The following DCLRE1C variants were observed in gnomAD, a reference collection of about 807,000 sequenced individuals.
The protein encoded by DCLRE1C is DNA cross-link repair 1C.
DCLRE1C carries 47 observed loss-of-function variants against 61.4 expected under a neutral mutation model. That is an observed-to-expected ratio of 0.77 (90% CI 0.61 to 0.98). The LOEUF (loss-of-function observed/expected upper bound fraction) is 0.98, where lower values mean the gene tolerates loss of function less well. Ranked by LOEUF, DCLRE1C falls within the 50% of genes least tolerant of loss-of-function variation. The pLI is 0.00. For synonymous variants in DCLRE1C, 337 were observed against 287.6 expected (o/e 1.17, Z -1.74); for missense variants, 858 against 816.0 (o/e 1.05, Z -0.63).
At chr10:14,917,180 A>C (rs1445505259) in intron 13 of DCLRE1C, among the ~76,000 whole-genome samples, 1 of 152,232 alleles carries the variant, frequency 6.6e-6, no homozygotes, top group Non-Finnish European at 1.5e-5. Flanking sequence ...GTTTAAGAAC[A>C]TTTGGATATC....
At chr10:14,933,914 C>G (rs537021645) in intron 8 of DCLRE1C, among the ~76,000 whole-genome samples, 39 of 152,228 alleles carry the variant, frequency 2.6e-4, no homozygotes, top group African/African-American at 8.9e-4. Context: ...TCAGAGGGCC[C>G]GCGAACCTCT....
chr10:14,911,832 A>C (rs1326966714), intron 13 of DCLRE1C, among the ~76,000 whole-genome samples: 1 of 152,254 alleles, frequency 6.6e-6, no homozygotes, highest in African/African-American at 2.4e-5. Flanking sequence ...ATGGCCAATA[A>C]GCACATGAAA....
intron 6 of DCLRE1C, among the ~76,000 whole-genome samples, chr10:14,935,204 T>C (rs549241625): frequency 4.0e-5 from 6 of 151,000 alleles, no homozygotes; most frequent in South Asian, 2.2e-4. Flanking sequence ...CAGTGGCTCA[T>C]GCCTGTAATC....
At chr10:14,912,858 T>G (rs1835500093) in intron 13 of DCLRE1C, among the ~76,000 whole-genome samples, 1 of 151,700 alleles carries the variant, frequency 6.6e-6, no homozygotes, top group Admixed American at 6.6e-5. Flanking sequence ...ATTTTTTGTG[T>G]TTTTAGTAGA....
Position 14,953,974 on chromosome 10 carries a change from T to C in DCLRE1C, c.37A>G (p.Thr13Ala). 1.2e-6 allele frequency: 2 copies of C among 1,614,024 alleles called. No individual in the cohort carries two copies. Among genetic ancestry groups the C allele is most frequent in the Non-Finnish European group, 1.7e-6 (2 of 1,179,914 alleles). ...CTATCGAAGCGGTCTATGGAGATAGTTGGATACTCGGCCATCTGCCCCTCG... is the reference window on the plus strand; with the variant it reads ...CTATCGAAGCGGTCTATGGAGATAGCTGGATACTCGGCCATCTGCCCCTCG... ...SFEGQMAEYPTISIDRFDREN... is the reference protein window; with the variant it reads ...SFEGQMAEYPAISIDRFDREN... The change falls in exon 1 of 14, where the codon ACT becomes GCT. Residue 13 changes from threonine (T) to alanine (A), a missense_variant. Thr to Ala is a moderately conservative substitution (Grantham distance 58). Transcript: ENST00000378278.
intron 11 of DCLRE1C, among the ~76,000 whole-genome samples, chr10:14,926,172 C>T (rs759616266): frequency 5.3e-5 from 8 of 152,214 alleles, no homozygotes; most frequent in Non-Finnish European, 1.2e-4. Context: ...CAGACTGATA[C>T]ACTTGTTGAC....
chr10:14,945,860 G>A (rs1029877251), intron 2 of DCLRE1C, among the ~76,000 whole-genome samples: 4 of 150,892 alleles, frequency 2.7e-5, no homozygotes, highest in Non-Finnish European at 4.4e-5. Context: ...GTTTGACCAC[G>A]TTGGCCAGGC....
At chr10:14,897,616 G>T in exon 14 of DCLRE1C, 3 of 1,032,118 alleles carry the variant, frequency 2.9e-6, no homozygotes, top group Non-Finnish European at 2.6e-6. Flanking sequence ...GGTACATTTT[G>T]ATATTTTCAT....
In DCLRE1C at chr10:14,909,056, A is replaced by G; in HGVS notation, c.1431T>C (p.Leu477=). The part of the protein sequence containing the change: ...ASLQGDLGSV[L]HLQKADGDVP... ...CATCCCCATCAGCCTTTTGCAGGTG[A>G]AGTACAGAGCCCAGATCTCCTTGCA... is the stretch of plus-strand genomic sequence containing the variant. Residue 477 remains leucine (L), a synonymous_variant, in exon 14 of 14, where the codon CTT becomes CTC. Transcript: ENST00000378278. The G allele has an allele frequency of 6.2e-7, 1 of 1,614,186 alleles. No homozygotes were observed. The highest frequency in any genetic ancestry group is 8.5e-7 in the Non-Finnish European group (1 of 1,180,030).
chr10:14,902,661 G>A (rs557784742), downstream of DCLRE1C: 8 of 546,922 alleles, frequency 1.5e-5, no homozygotes, highest in African/African-American at 9.6e-5. Context: ...ATGTATTACC[G>A]ATGCCTCTGA....
At chr10:14,901,262 G>A, downstream of DCLRE1C, 1 of 1,613,686 alleles carries the variant, frequency 6.2e-7, no homozygotes, top group Non-Finnish European at 8.5e-7. Context: ...TCAAATGAAA[G>A]GTATGCTTTT....
At chr10:14,938,503 A>G (rs1245001839) in intron 4 of DCLRE1C, among the ~76,000 whole-genome samples, 1 of 151,880 alleles carries the variant, frequency 6.6e-6, no homozygotes, top group Non-Finnish European at 1.5e-5. Flanking sequence ...CACACCCTCA[A>G]AGTTAAACAC....
intron 1 of DCLRE1C, 143 bp from the exon 2 acceptor site, chr10:14,949,230 GCT>G (rs1300457829): frequency 1.5e-6 from 1 of 663,018 alleles, no homozygotes; most frequent in African/African-American, 1.8e-5. Flanking sequence ...TGGGCTATGA[GCT>G]CTTTCTTCTG....
At chr10:14,911,837 A>T (rs1222161422) in intron 13 of DCLRE1C, among the ~76,000 whole-genome samples, 1 of 152,258 alleles carries the variant, frequency 6.6e-6, no homozygotes, top group Non-Finnish European at 1.5e-5. Flanking sequence ...CAATAAGCAC[A>T]TGAAAGAAAG....
Position 14,936,610 on chromosome 10 carries a change from G to GA in DCLRE1C, c.307-18dup. ...CTCTTCCTTCTAAAAAGAAAATAAA[G>GA]AAAAAATAGTAATGGAAAGCAGTTA... On this transcript the variant is annotated splice_polypyrimidine_tract_variant and intron_variant, in intron 4 of 13. Transcript: ENST00000378278. The GA allele has an allele frequency of 6.3e-7, 1 of 1,597,650 alleles. No homozygotes were observed.
At chr10:14,950,813 G>C (rs1842354877) in intron 1 of DCLRE1C, among the ~76,000 whole-genome samples, 2 of 152,190 alleles carry the variant, frequency 1.3e-5, no homozygotes, top group African/African-American at 2.4e-5. Flanking sequence ...CACAAGAACT[G>C]GATGGGTTTG....
chr10:14,950,231 T>A (rs893944545), intron 1 of DCLRE1C, among the ~76,000 whole-genome samples: 1 of 151,662 alleles, frequency 6.6e-6, no homozygotes, highest in Non-Finnish European at 1.5e-5. Context: ...TCCCAGCTAC[T>A]TGGGAGGCTG....
intron 3 of DCLRE1C, among the ~76,000 whole-genome samples, chr10:14,944,642 G>A (rs1005993810): frequency 7.0e-6 from 1 of 143,192 alleles, no homozygotes; most frequent in Non-Finnish European, 1.5e-5. Context: ...CTGCCATATT[G>A]TTCAATGCCA....
chr10:14,931,391 CT>C (rs1680899638), intron 9 of DCLRE1C, among the ~76,000 whole-genome samples: 1 of 151,872 alleles, frequency 6.6e-6, no homozygotes, highest in African/African-American at 2.4e-5. Context: ...AACCCTGTCT[CT>C]ACTAAAAATA....
Sources: allele counts gnomAD v4.1 joint callset (sites outside exome capture counted in the v4.1 genomes callset), GRCh38; gene constraint gnomAD v4.1.1; transcripts MANE v1.5; gene names NCBI Gene and HGNC (gene_info 2026-07-23, HGNC 2026-07-21).